Variants in PDE11A observed in about 807,000 individuals in gnomAD.
PDE11A encodes the protein phosphodiesterase 11A, also known as dual 3',5'-cyclic-AMP and -GMP phosphodiesterase 11A.
A neutral mutation model predicts 100.5 loss-of-function variants in PDE11A; 100 were observed. The ratio of observed to expected loss-of-function variants is 1.00; its 90% CI spans 0.85 to 1.18. The LOEUF (loss-of-function observed/expected upper bound fraction) is 1.18. Ranked by LOEUF, PDE11A falls within the 50% of genes most tolerant of loss-of-function variation. The pLI is 0.00. For synonymous variants in PDE11A, 381 were observed against 420.8 expected (o/e 0.91, Z 1.16); for missense variants, 1,141 against 1,152.6 (o/e 0.99, Z 0.15).
At chr2:177,792,001 T>C (rs1650081771) in intron 9 of PDE11A, among the ~76,000 whole-genome samples, 1 of 152,192 alleles carries the variant, frequency 6.6e-6, no homozygotes, top group Admixed American at 6.5e-5. Flanking sequence ...TCTCAGGCAT[T>C]AACACTTAAA....
At chr2:177,663,455 T>C (rs2105478037) in intron 19 of PDE11A, among the ~76,000 whole-genome samples, 1 of 151,666 alleles carries the variant, frequency 6.6e-6, no homozygotes, top group Admixed American at 6.6e-5. Flanking sequence ...AAAAAAAATT[T>C]CCATGGTCAA....
chr2:178,054,113 A>G (rs1178471605), intron 1 of PDE11A, among the ~76,000 whole-genome samples: 2 of 152,196 alleles, frequency 1.3e-5, no homozygotes, highest in African/African-American at 4.8e-5. Context: ...ACAAGGCTAC[A>G]GGAACCAAAA....
intron 3 of PDE11A, among the ~76,000 whole-genome samples, chr2:177,904,006 G>C (rs575828873): frequency 6.6e-6 from 1 of 152,280 alleles, no homozygotes; most frequent in Non-Finnish European, 1.5e-5. Context: ...TCTGTTTACT[G>C]ATAAAAATAT....
At chr2:177,755,600 C>T (rs146796756) in intron 10 of PDE11A, among the ~76,000 whole-genome samples, 10 of 152,348 alleles carry the variant, frequency 6.6e-5, no homozygotes, top group Non-Finnish European at 1.0e-4. Flanking sequence ...CCAACTGACA[C>T]ACTTTCCTAA....
chr2:177,969,304 A>G (rs2085738935), intron 2 of PDE11A, among the ~76,000 whole-genome samples: 1 of 152,130 alleles, frequency 6.6e-6, no homozygotes, highest in Admixed American at 6.5e-5. Flanking sequence ...ATTAGGAGAA[A>G]TACCTAATGC....
intron 6 of PDE11A, among the ~76,000 whole-genome samples, chr2:177,822,306 T>C (rs1265842160): frequency 6.6e-6 from 1 of 151,864 alleles, no homozygotes; most frequent in Non-Finnish European, 1.5e-5. Flanking sequence ...TTTTTTGAAA[T>C]GGATATTCAG....
At chr2:177,952,761 G>A (rs968445238) in intron 2 of PDE11A, among the ~76,000 whole-genome samples, 12 of 152,058 alleles carry the variant, frequency 7.9e-5, no homozygotes, top group African/African-American at 2.7e-4. Flanking sequence ...CTCTCTCAGA[G>A]GTCTCTGCCA....
chr2:177,980,505 T>C (rs1167829083), intron 2 of PDE11A, among the ~76,000 whole-genome samples: 2 of 150,836 alleles, frequency 1.3e-5, no homozygotes, highest in Non-Finnish European at 3.0e-5. Context: ...CTCAGAATGA[T>C]TGGGTTATTC....
At chr2:178,047,224 G>A (rs2086762611) in intron 1 of PDE11A, among the ~76,000 whole-genome samples, 1 of 152,130 alleles carries the variant, frequency 6.6e-6, no homozygotes, top group African/African-American at 2.4e-5. Context: ...CACTTTGGGA[G>A]GCCAAGGCGG....
intron 7 of PDE11A, 119 bp downstream of exon 7, chr2:177,820,101 C>A: frequency 1.5e-6 from 1 of 656,270 alleles, no homozygotes; most frequent in Non-Finnish European, 2.8e-6. Context: ...GAGTGTGAGA[C>A]ATAGTTTGAT....
chr2:178,050,669 G>A (rs1427696300), intron 1 of PDE11A, among the ~76,000 whole-genome samples: 1 of 152,148 alleles, frequency 6.6e-6, no homozygotes, highest in African/African-American at 2.4e-5. Context: ...TAAATGACCT[G>A]ATGGAGCTGA....
At chr2:177,688,451 C>T (rs1029136080) in intron 15 of PDE11A, 1 of 152,192 alleles carries the variant, frequency 6.6e-6, no homozygotes, top group Non-Finnish European at 1.5e-5. Flanking sequence ...ACAGCATGAA[C>T]ATATGTGAAA....
chr2:178,095,072 T>C (rs1412291658), intron 2 of PDE11A, among the ~76,000 whole-genome samples: 1 of 152,084 alleles, frequency 6.6e-6, no homozygotes, highest in East Asian at 1.9e-4. Flanking sequence ...AAATCTAACA[T>C]CATTTTTACG....
chr2:177,995,952 C>T (rs1156466800), intron 2 of PDE11A, among the ~76,000 whole-genome samples: 2 of 152,150 alleles, frequency 1.3e-5, no homozygotes, highest in Non-Finnish European at 1.5e-5. Context: ...CCTAGCTGGG[C>T]GCGGTGGCTC....
intron 15 of PDE11A, chr2:177,686,820 C>T (rs1332271846): frequency 6.7e-6 from 1 of 150,322 alleles, no homozygotes; most frequent in East Asian, 2.0e-4. Flanking sequence ...AGTGATTCTC[C>T]TGCCTCAGCC....
intron 1 of PDE11A, among the ~76,000 whole-genome samples, chr2:178,036,762 G>A (rs1170700964): frequency 1.3e-5 from 2 of 152,132 alleles, no homozygotes; most frequent in Non-Finnish European, 2.9e-5. Context: ...ACAAAAACAA[G>A]CAGTGGAGAA....
intron 2 of PDE11A, among the ~76,000 whole-genome samples, chr2:178,011,339 C>G (rs2086272008): frequency 6.6e-6 from 1 of 152,110 alleles, no homozygotes; most frequent in South Asian, 2.1e-4. Context: ...TGTGATTTGG[C>G]CTTCTAAGCT....
chr2:177,798,306 A>C (rs950100881), intron 9 of PDE11A, among the ~76,000 whole-genome samples: 3 of 152,218 alleles, frequency 2.0e-5, no homozygotes, highest in Non-Finnish European at 4.4e-5. Context: ...ACTTGGCAGT[A>C]ATCATACTTT....
chr2:177,723,676 C>G (rs1188568715), intron 12 of PDE11A, among the ~76,000 whole-genome samples: 1 of 152,040 alleles, frequency 6.6e-6, no homozygotes, highest in Non-Finnish European at 1.5e-5. Context: ...TTCACTCATT[C>G]AATTAATCTT....
Sources: allele counts gnomAD v4.1 joint callset (sites outside exome capture counted in the v4.1 genomes callset), GRCh38; gene constraint gnomAD v4.1.1; transcripts MANE v1.5; gene names NCBI Gene and HGNC (gene_info 2026-07-23, HGNC 2026-07-21).